Variants in CAMTA2 observed in about 807,000 individuals in gnomAD.
CAMTA2 encodes the protein calmodulin binding transcription activator 2, also known as calmodulin-binding transcription activator 2.
In CAMTA2, 56 loss-of-function variants were observed where a neutral mutation model predicts 135.7. That is an observed-to-expected ratio of 0.41 (90% CI 0.33 to 0.52). The LOEUF (loss-of-function observed/expected upper bound fraction) is 0.52, where lower values mean the gene tolerates loss of function less well. Ranked by LOEUF, CAMTA2 falls within the 20% of genes least tolerant of loss-of-function variation. The pLI is 0.16. For synonymous variants in CAMTA2, 591 were observed against 604.6 expected (o/e 0.98, Z 0.33); for missense variants, 1,358 against 1,553.4 (o/e 0.87, Z 2.11).
chr17:4,969,964 G>A lies in CAMTA2; in HGVS notation c.3127C>T (p.His1043Tyr), dbSNP rs1200327319. 6.2e-7 allele frequency: 1 copy of A among 1,614,144 alleles called. No individual in the cohort carries two copies. Among genetic ancestry groups the A allele is most frequent in the Admixed American group, 1.7e-5 (1 of 60,012 alleles). ...SDFALLTLSD[H>Y]EQRELYEAAR... ...GCCTCATACAGTTCCCGCTGCTCGT[G>A]ATCTGATAGTGTCAGCAGGGCAAAA... The change falls in exon 18 of 23, where the codon CAC becomes TAC. Residue 1043 changes from histidine to tyrosine, a missense_variant. Around this residue, in one of 4 missense-constraint regions of CAMTA2, gnomAD observed 167 missense variants for 207.0 expected, o/e 0.81. Transcript: ENST00000348066. The surrounding 1 kb of genome is among the most constrained non-coding windows in gnomAD (Gnocchi z 5.6).
In CAMTA2 at chr17:4,969,614, G is replaced by A; in HGVS notation, c.3261+16C>T. Reference sequence around the variant, plus strand: ...GGTGGGTTGCTGGTTACACTTTTGAGGGAGAAGGGTCTCACCTGCTTGTAC... The same window carrying A: ...GGTGGGTTGCTGGTTACACTTTTGAAGGAGAAGGGTCTCACCTGCTTGTAC... On this transcript the variant is annotated intron_variant, in intron 19 of 22. Transcript: ENST00000348066. The surrounding 1 kb of genome is among the most constrained non-coding windows in gnomAD (Gnocchi z 5.6). 6.2e-7 allele frequency: 1 copy of A among 1,614,058 alleles called. No homozygotes were observed. Among genetic ancestry groups the A allele is most frequent in the Non-Finnish European group, 8.5e-7 (1 of 1,179,942 alleles).
chr17:4,968,129 G>A lies in CAMTA2; in HGVS notation c.*627C>T. The A allele has an allele frequency of 2.3e-6, 1 of 431,974 alleles. No homozygotes were observed. 26.8% of individuals were successfully genotyped at this position (431,974 alleles called of 1,614,324 possible). A position where few individuals can be genotyped will look rare whatever the true frequency, so the allele number is the denominator to read the frequency against. ...CCGGCCGTGCAGCCCTCCCCGCGGC[G>A]CCTTAAATAGATTCTTCACTATACT... On this transcript the variant is annotated 3_prime_UTR_variant, in exon 23 of 23. Coordinates refer to ENST00000348066, the MANE Select transcript of CAMTA2 (RefSeq NM_015099.4).
chr17:4,985,852 GC>G, intron 3 of CAMTA2, 27 bp downstream of exon 3: 1 of 1,500,804 alleles, frequency 6.7e-7, no homozygotes, highest in South Asian at 1.1e-5. Flanking sequence ...GTCTTGCTGG[GC>G]CCCAACCCCC....
Position 4,968,616 on chromosome 17 carries a change from G to A in CAMTA2, c.*140C>T. 1 of 835,170 alleles carries A rather than the reference G, an allele frequency of 1.2e-6. No homozygotes were observed. Among genetic ancestry groups the A allele is most frequent in the Non-Finnish European group, 1.9e-6 (1 of 513,516 alleles). 51.7% of individuals were successfully genotyped at this position (835,170 alleles called of 1,614,324 possible). ...GGGGTGTGGGAGCAAGGCGTGGGGA[G>A]GAGGGAGGAGGCCTACAGAGGGCTC... On this transcript the variant is annotated 3_prime_UTR_variant, in exon 23 of 23. Coordinates refer to ENST00000348066, the MANE Select transcript of CAMTA2 (RefSeq NM_015099.4).
At chr17:4,973,052 CCAGGTAGT>C in intron 14 of CAMTA2, 61 bp from the exon 15 acceptor site, 28 of 1,529,148 alleles carry the variant, frequency 1.8e-5, no homozygotes, top group Non-Finnish European at 2.5e-5. Flanking sequence ...GGCTCTTCCT[CCAGGTAGT>C]CAGGTCTTCA....
chr17:4,972,546 G>T lies in CAMTA2; in HGVS notation c.2504-10C>A. 1 of 1,598,444 alleles carries T rather than the reference G, an allele frequency of 6.3e-7. No homozygotes were observed. ...GAGACGCTGCTCAGACCTGTGTGGG[G>T]AGGGAAGAGAGTGAGGGCAGCCGGA... is the stretch of plus-strand genomic sequence containing the variant. On this transcript the variant is annotated splice_polypyrimidine_tract_variant and intron_variant, in intron 15 of 22. Transcript: ENST00000348066.
rs1973313525 is a variant in CAMTA2 at position 4,986,467 on chromosome 17, A to G, written c.-64-181T>C. The G allele has an allele frequency of 3.6e-5, 21 of 575,890 alleles. No homozygotes were observed. In the South Asian group the frequency reaches 4.2e-4, roughly 12 times the overall value. 35.7% of individuals were successfully genotyped at this position (575,890 alleles called of 1,614,324 possible). A position where few individuals can be genotyped will look rare whatever the true frequency, so the allele number is the denominator to read the frequency against. Reference sequence around the variant, plus strand: ...GAACAACACACAGTGCCCGGAGCCAATATGAGTGAGCAGACTGGACAGGAA... The same window carrying G: ...GAACAACACACAGTGCCCGGAGCCAGTATGAGTGAGCAGACTGGACAGGAA... On this transcript the variant is annotated intron_variant, in intron 1 of 22. Coordinates refer to ENST00000348066, the MANE Select transcript of CAMTA2 (RefSeq NM_015099.4).
At chr17:4,986,345 G>A (rs943963048) in intron 1 of CAMTA2, 59 bp from the exon 2 acceptor site, 8 of 702,330 alleles carry the variant, frequency 1.1e-5, no homozygotes, top group Non-Finnish European at 1.5e-5. Flanking sequence ...AGGATGAGAA[G>A]TATGAGGTAG....
Position 4,986,386 on chromosome 17 carries a change from T to C in CAMTA2, c.-64-100A>G, listed in dbSNP as rs1973302064. 4.9e-6 allele frequency: 3 copies of C among 609,576 alleles called. No individual in the cohort carries two copies. In the East Asian group the frequency reaches 8.2e-5, roughly 17 times the overall value. The allele number at this position is 609,576 out of a possible 1,614,324, so 37.8% of individuals were successfully genotyped here. A position where few individuals can be genotyped will look rare whatever the true frequency, so the allele number is the denominator to read the frequency against. On this transcript the variant is annotated intron_variant, in intron 1 of 22. Transcript: ENST00000348066. ...GGGTATAGAACTGGGTCATAGTATCTGGGAAGGATGAGGAAAGGGAGGGAG... is the reference window on the plus strand; with the variant it reads ...GGGTATAGAACTGGGTCATAGTATCCGGGAAGGATGAGGAAAGGGAGGGAG...
chr17:4,971,702 T>TC, intron 16 of CAMTA2, among the ~76,000 whole-genome samples: 1 of 145,990 alleles, frequency 6.8e-6, no homozygotes. Flanking sequence ...TTTTTTTTTT[T>TC]TTTTTTGAGA....
rs183662628 is a variant in CAMTA2, at chr17:4,983,163, T to G, written c.136-120A>C. 21 of 832,238 alleles carry G rather than the reference T, an allele frequency of 2.5e-5. No individual in the cohort carries two copies. The Admixed American group carries it at 2.8e-4, about 11-fold the overall frequency. The allele number at this position is 832,238 out of a possible 1,614,324, so 51.6% of individuals were successfully genotyped here. On this transcript the variant is annotated intron_variant, in intron 3 of 22. Coordinates refer to ENST00000348066, the MANE Select transcript of CAMTA2 (RefSeq NM_015099.4). ...GTTCTGGCAGCTAGTGGAGGATGCT[T>G]CTAGGTATCTGGACCCAGCAAGACC...
rs1386542381 is a variant in CAMTA2 at position 4,973,209 on chromosome 17, G to A, written c.2246C>T (p.Pro749Leu). ...GCAAGAGAAATGATCCACGTTGAGCGGGTCAACCTCCTGCTCTAAGTCCAA... is the reference window on the plus strand; with the variant it reads ...GCAAGAGAAATGATCCACGTTGAGCAGGTCAACCTCCTGCTCTAAGTCCAA... ...GSLDLEQEVD[P>L]LNVDHFSCTP... The change falls in exon 14 of 23, where the codon CCG becomes CTG. Residue 749 changes from proline to leucine, a missense_variant. By Grantham distance (98) the Pro-to-Leu change is moderately conservative. Around this residue, in one of 4 missense-constraint regions of CAMTA2, gnomAD observed 1,077 missense variants for 1,127.5 expected, o/e 0.96. Coordinates refer to ENST00000348066, the MANE Select transcript of CAMTA2 (RefSeq NM_015099.4). 9 of 1,613,762 alleles carry A rather than the reference G, an allele frequency of 5.6e-6. No individual in the cohort carries two copies. Among genetic ancestry groups the A allele is most frequent in the Admixed American group, 1.7e-5 (1 of 59,994 alleles).
chr17:4,969,413 A>G lies in CAMTA2; in HGVS notation c.3283-76T>C. ...CAAAGCCCTGAGGCTCACCCAAGTT[A>G]GGCTGATGCAAGACTCTCTGTAACC... is the stretch of plus-strand genomic sequence containing the variant. On this transcript the variant is annotated intron_variant, in intron 20 of 22. Transcript: ENST00000348066. This position sits in a 1 kb window ranked among gnomAD's most constrained non-coding sequence, Gnocchi z 5.6. 1 of 1,606,212 alleles carries G rather than the reference A, an allele frequency of 6.2e-7. No individual in the cohort carries two copies. Among genetic ancestry groups the G allele is most frequent in the Non-Finnish European group, 8.5e-7 (1 of 1,172,782 alleles).
chr17:4,973,816 T>C, intron 12 of CAMTA2, 47 bp from the exon 13 acceptor site: 1 of 1,511,608 alleles, frequency 6.6e-7, no homozygotes, highest in Non-Finnish European at 8.9e-7. Flanking sequence ...TCTACTCCCC[T>C]GGCTTGAGGT....
At chr17:4,974,535 A>G in intron 11 of CAMTA2, 35 bp from the exon 12 acceptor site, 2 of 1,328,816 alleles carry the variant, frequency 1.5e-6, no homozygotes, top group Non-Finnish European at 2.2e-6. Flanking sequence ...CTGAGTGGGC[A>G]GTCTAGGTGA....
At chr17:4,986,408 G>A (rs956893522) in intron 1 of CAMTA2, 122 bp from the exon 2 acceptor site, 2 of 601,812 alleles carry the variant, frequency 3.3e-6, no homozygotes, top group African/African-American at 3.7e-5. Flanking sequence ...GGAAAGGGAG[G>A]GAGGGGCTGA....
In CAMTA2 at chr17:4,985,991, G is replaced by T; in HGVS notation, c.32-8C>A. The T allele has an allele frequency of 6.3e-7, 1 of 1,593,762 alleles. No individual in the cohort carries two copies. The highest frequency in any genetic ancestry group is 8.6e-7 in the Non-Finnish European group (1 of 1,161,408). On this transcript the variant is annotated splice_region_variant and splice_polypyrimidine_tract_variant and intron_variant, in intron 2 of 22. Transcript: ENST00000348066. ...TCAGGTGGTGGCTGTTTTCTAAAGG[G>T]AATTAGAAGGGAGGGTTTAGTGTGC...
Position 4,973,208 on chromosome 17 carries a change from C to G in CAMTA2, c.2247G>C (p.Pro749=). Reference sequence around the variant, plus strand: ...TGCAAGAGAAATGATCCACGTTGAGCGGGTCAACCTCCTGCTCTAAGTCCA... The same window carrying G: ...TGCAAGAGAAATGATCCACGTTGAGGGGGTCAACCTCCTGCTCTAAGTCCA... ...GSLDLEQEVD[P]LNVDHFSCTP... Residue 749 remains proline, a synonymous_variant, in exon 14 of 23, where the codon CCG becomes CCC. Transcript: ENST00000348066. 1 of 1,613,804 alleles carries G rather than the reference C, an allele frequency of 6.2e-7. No homozygotes were observed. The highest frequency in any genetic ancestry group is 8.5e-7 in the Non-Finnish European group (1 of 1,179,952).
intron 1 of CAMTA2, chr17:4,986,510 T>G: frequency 7.5e-6 from 4 of 530,406 alleles, no homozygotes; most frequent in Admixed American, 3.7e-5. Flanking sequence ...CAGGAAGAAA[T>G]GGGTTGGGGT....
Sources: allele counts gnomAD v4.1 joint callset (sites outside exome capture counted in the v4.1 genomes callset), GRCh38; gene constraint gnomAD v4.1.1; regional missense constraint gnomAD v4.1.1; non-coding constraint Gnocchi (gnomAD v3.1); transcripts MANE v1.5; gene names NCBI Gene and HGNC (gene_info 2026-07-23, HGNC 2026-07-21).